Variants in LINGO1 observed in about 807,000 individuals in gnomAD.
The protein encoded by LINGO1 is leucine rich repeat and Ig domain containing 1.
Under a neutral mutation model 37.3 loss-of-function variants are expected in LINGO1, and 11 were observed. The observed-to-expected ratio is 0.29, with a 90% CI of 0.19 to 0.49. The LOEUF (loss-of-function observed/expected upper bound fraction) is 0.49. Among genes scored for constraint, LINGO1 ranks in the 20% least tolerant of loss-of-function variants. The pLI is 0.99. For missense variants in LINGO1, 585 were observed against 878.2 expected, an observed-to-expected ratio of 0.67 and a Z score of 4.22; for synonymous variants, 387 against 403.0, an observed-to-expected ratio of 0.96 and a Z score of 0.48.
chr15:77,733,053 T>A (rs1254292035), intron 2 of LINGO1, among the ~76,000 whole-genome samples: 1 of 152,192 alleles, frequency 6.6e-6, no homozygotes, highest in African/African-American at 2.4e-5. Flanking sequence ...CTGAATTGCC[T>A]GCCCACCCTC....
chr15:77,814,454 AAAT>A (rs1322556746), intron 1 of LINGO1, among the ~76,000 whole-genome samples: 2 of 152,310 alleles, frequency 1.3e-5, no homozygotes, highest in East Asian at 1.9e-4. Context: ...TTGCCTTGGA[AAAT>A]AATAATAATA....
upstream of LINGO1, among the ~76,000 whole-genome samples, chr15:77,699,706 ATCATT>A (rs2075751865): frequency 1.7e-5 from 1 of 57,488 alleles, no homozygotes; most frequent in African/African-American, 6.7e-5. Context: ...CATACTAACC[ATCATT>A]CCCACACACA....
At chr15:77,819,472 G>A (rs1049931657) in intron 1 of LINGO1, 2 of 151,684 alleles carry the variant, frequency 1.3e-5, no homozygotes, top group Non-Finnish European at 2.9e-5. Context: ...TGCGCGGGAG[G>A]GTCCCGGCTC....
chr15:77,654,756 T>C (rs2074832473), intron 3 of LINGO1, among the ~76,000 whole-genome samples: 1 of 152,186 alleles, frequency 6.6e-6, no homozygotes, highest in Non-Finnish European at 1.5e-5. Flanking sequence ...GTTACTGTCC[T>C]TTTCTGAGCC....
upstream of LINGO1, among the ~76,000 whole-genome samples, chr15:77,698,372 C>T (rs2075724134): frequency 6.6e-6 from 1 of 152,204 alleles, no homozygotes; most frequent in East Asian, 1.9e-4. Context: ...TGTTGAGTGC[C>T]TACTACGTTC....
intron 3 of LINGO1, among the ~76,000 whole-genome samples, chr15:77,654,117 G>A (rs1218484124): frequency 1.3e-5 from 2 of 152,156 alleles, no homozygotes. Flanking sequence ...CCTTGGCCTC[G>A]CCTCTTCCTG....
At chr15:77,678,514 GTCTT>G (rs1475920465) in intron 2 of LINGO1, among the ~76,000 whole-genome samples, 2 of 152,218 alleles carry the variant, frequency 1.3e-5, no homozygotes, top group African/African-American at 4.8e-5. Flanking sequence ...GAATCAGAAT[GTCTT>G]TCTTTTTTGT....
At chr15:77,759,341 G>C (rs1284619635) in intron 1 of LINGO1, among the ~76,000 whole-genome samples, 1 of 152,176 alleles carries the variant, frequency 6.6e-6, no homozygotes, top group Non-Finnish European at 1.5e-5. Context: ...TGCCCAGATT[G>C]AAGGCTGGAG....
At chr15:77,701,894 T>G (rs985622180) in intron 2 of LINGO1, among the ~76,000 whole-genome samples, 2 of 152,126 alleles carry the variant, frequency 1.3e-5, no homozygotes, top group Non-Finnish European at 2.9e-5. Context: ...CAGGTATTCC[T>G]TTAGAGTAAC....
chr15:77,682,121 G>A (rs879306162), intron 2 of LINGO1, among the ~76,000 whole-genome samples: 3 of 152,150 alleles, frequency 2.0e-5, no homozygotes, highest in Non-Finnish European at 4.4e-5. Context: ...CCTCCTCGAT[G>A]CCATTGGCAG....
rs1308207324 is a variant in LINGO1 at position 77,615,055 on chromosome 15, G to T, written c.852C>A (p.Arg284=). Residue 284 remains arginine, a synonymous_variant, in exon 2 of 2, where the codon CGC becomes CGA. Coordinates refer to ENST00000355300, the MANE Select transcript of LINGO1 (RefSeq NM_032808.7). ...NLTAVPYLAV[R]HLVYLRFLNL... ...TGAGGAAGCGGAGATAGACTAGGTG[G>T]CGGACGGCCAGGTAGGGCACAGCGG... is the stretch of plus-strand genomic sequence containing the variant. The T allele has an allele frequency of 6.2e-7, 1 of 1,614,056 alleles. No homozygotes were observed. The highest frequency in any genetic ancestry group is 1.7e-5 in the Admixed American group (1 of 60,034).
intron 1 of LINGO1, among the ~76,000 whole-genome samples, chr15:77,742,362 T>C (rs2076272942): frequency 6.6e-6 from 1 of 152,158 alleles, no homozygotes; most frequent in Non-Finnish European, 1.5e-5. Context: ...ACAGAGCCAC[T>C]CGATGGCCAC....
At chr15:77,630,469 G>A (rs530419619) in intron 1 of LINGO1, among the ~76,000 whole-genome samples, 1 of 152,294 alleles carries the variant, frequency 6.6e-6, no homozygotes, top group African/African-American at 2.4e-5. Context: ...CCCTCTGGGA[G>A]TCTGGGTTTT....
chr15:77,800,312 C>T (rs2076907212), intron 1 of LINGO1, among the ~76,000 whole-genome samples: 1 of 152,242 alleles, frequency 6.6e-6, no homozygotes, highest in Non-Finnish European at 1.5e-5. Context: ...TCCCTAGTTA[C>T]TGCTGTCTGA....
At chr15:77,748,586 A>C (rs2076337956) in intron 1 of LINGO1, among the ~76,000 whole-genome samples, 1 of 152,210 alleles carries the variant, frequency 6.6e-6, no homozygotes, top group African/African-American at 2.4e-5. Context: ...GCATGGGAAG[A>C]AGCAACACAT....
At chr15:77,692,833 T>G (rs1303018904) in intron 1 of LINGO1, among the ~76,000 whole-genome samples, 2 of 152,216 alleles carry the variant, frequency 1.3e-5, no homozygotes, top group East Asian at 3.9e-4. Context: ...CGCCATGGTA[T>G]CCAGGCCTCT....
chr15:77,751,066 C>T (rs1199902245), intron 1 of LINGO1, among the ~76,000 whole-genome samples: 1 of 152,132 alleles, frequency 6.6e-6, no homozygotes, highest in East Asian at 1.9e-4. Context: ...TATGTACCAT[C>T]TCCCTCTCTG....
At chr15:77,675,900 C>T (rs2075319428) in intron 3 of LINGO1, among the ~76,000 whole-genome samples, 1 of 152,216 alleles carries the variant, frequency 6.6e-6, no homozygotes, top group Non-Finnish European at 1.5e-5. Flanking sequence ...CACTCTGGCT[C>T]CCCAAAGTGC....
intron 1 of LINGO1, among the ~76,000 whole-genome samples, chr15:77,818,128 T>A (rs2077063374): frequency 6.6e-6 from 1 of 151,936 alleles, no homozygotes; most frequent in Admixed American, 6.6e-5. Flanking sequence ...CCCAGGGAAG[T>A]CCAAGCTGGA....
Sources: allele counts gnomAD v4.1 joint callset (sites outside exome capture counted in the v4.1 genomes callset), GRCh38; gene constraint gnomAD v4.1.1; transcripts MANE v1.5; gene names NCBI Gene and HGNC (gene_info 2026-07-23, HGNC 2026-07-21).